PCDHGB1: variants seen among roughly 807,000 people sequenced by gnomAD.
PCDHGB1 encodes protocadherin gamma subfamily B, 1.
A neutral mutation model predicts 56.6 loss-of-function variants in PCDHGB1; 34 were observed. That is an observed-to-expected ratio of 0.60 (90% confidence interval 0.46 to 0.80). The LOEUF is 0.80. PCDHGB1 is among the 30% of genes least tolerant of loss of function. The pLI is 0.00. For missense variants in PCDHGB1, 1,278 were observed against 1,204.6 expected (o/e 1.06, Z -0.90); for synonymous variants, 561 against 505.9 (o/e 1.11, Z -1.46).
At chr5:141,399,519 G>T (rs1467117930) in intron 1 of PCDHGB1, 14 of 1,613,918 alleles carry the variant, frequency 8.7e-6, no homozygotes, top group Non-Finnish European at 1.2e-5. Context: ...ACCCTCCTGG[G>T]GCCTCCATCG....
intron 1 of PCDHGB1, among the ~76,000 whole-genome samples, chr5:141,472,924 T>G (rs1247655318): frequency 2.0e-5 from 3 of 147,960 alleles, no homozygotes; most frequent in African/African-American, 7.5e-5. Flanking sequence ...AGGAGGAGGT[T>G]GTGGTGAGCC....
rs1173627393 is a variant in PCDHGB1 at position 141,487,102 on chromosome 5, G to A, written c.2410-7705G>A. ...CAGCTGACCTCCCACCACAGAAGCT[G>A]GTCATTGTGGTAAAGGATAGTGGTA... On this transcript the variant is annotated intron_variant, in intron 1 of 3. Coordinates refer to ENST00000523390, the MANE Select transcript of PCDHGB1 (RefSeq NM_018922.3). This position sits in a 1 kb window ranked among gnomAD's most constrained non-coding sequence, Gnocchi z 5.0. 1 of 1,613,900 alleles carries A rather than the reference G, an allele frequency of 6.2e-7. No homozygotes were observed.
At chr5:141,360,012 C>T (rs1454398218) in intron 1 of PCDHGB1, 8 of 1,240,128 alleles carry the variant, frequency 6.5e-6, no homozygotes, top group Non-Finnish European at 8.6e-6. Flanking sequence ...ACCAACCACA[C>T]AGAGAAGGCC....
chr5:141,367,755 C>A (rs564169622), intron 1 of PCDHGB1: 1 of 152,184 alleles, frequency 6.6e-6, no homozygotes, highest in South Asian at 2.1e-4. Context: ...TTACATACTG[C>A]TGCACTCAAT....
intron 1 of PCDHGB1, chr5:141,393,488 A>G: frequency 1.9e-6 from 3 of 1,614,066 alleles, no homozygotes; most frequent in Non-Finnish European, 2.5e-6. Context: ...GCTCTAGCAC[A>G]GTGCGCATCC....
At chr5:141,507,009 C>T (rs988626142) in intron 3 of PCDHGB1, 1 of 152,154 alleles carries the variant, frequency 6.6e-6, no homozygotes, top group South Asian at 2.1e-4. Context: ...ATGAGAGAAC[C>T]GAGAAGGCAC....
chr5:141,353,101 A>G (rs896793984), intron 1 of PCDHGB1, among the ~76,000 whole-genome samples: 8 of 152,084 alleles, frequency 5.3e-5, no homozygotes, highest in African/African-American at 1.9e-4. Flanking sequence ...GGGGTACTAG[A>G]TAGATGGAGA....
intron 1 of PCDHGB1, among the ~76,000 whole-genome samples, chr5:141,407,155 TG>T (rs1451933301): frequency 1.3e-5 from 2 of 152,232 alleles, no homozygotes; most frequent in Non-Finnish European, 2.9e-5. Flanking sequence ...CTGAAGTGTC[TG>T]GGAATCCTTT....
rs947567666 is a variant in PCDHGB1, at chr5:141,422,270, T to C, written c.2409+69601T>C. ...GATGTGAATGATAACGCTCCAGAAA[T>C]AACTATCACCTCTTCTATTAATTCA... On this transcript the variant is annotated intron_variant, in intron 1 of 3. Transcript: ENST00000523390. 2.6e-6 allele frequency: 4 copies of C among 1,562,452 alleles called. No homozygotes were observed. The East Asian group carries it at 9.0e-5, about 35-fold the overall frequency.
At chr5:141,397,224 A>T (rs2093491277) in intron 1 of PCDHGB1, among the ~76,000 whole-genome samples, 1 of 151,376 alleles carries the variant, frequency 6.6e-6, no homozygotes. Context: ...ATTTTGAGAT[A>T]TGAAGAAGAG....
intron 1 of PCDHGB1, among the ~76,000 whole-genome samples, chr5:141,425,967 G>A (rs1021171082): frequency 2.0e-5 from 3 of 152,214 alleles, no homozygotes; most frequent in Non-Finnish European, 4.4e-5. Flanking sequence ...CAACACATCA[G>A]TCTAATTCTG....
Position 141,399,777 on chromosome 5 carries a change from C to T in PCDHGB1, c.2409+47108C>T, listed in dbSNP as rs751610227. On this transcript the variant is annotated intron_variant, in intron 1 of 3. Transcript: ENST00000523390. ...TGAGCCTGCGCGTGTTGGTGGGCGA[C>T]CGAAACGACAACGCACCGCGGGTGC... The T allele has an allele frequency of 3.7e-6, 6 of 1,613,304 alleles. No homozygotes were observed. The Admixed American group carries it at 8.3e-5, about 22-fold the overall frequency.
chr5:141,483,750 A>G (rs1453478545), intron 1 of PCDHGB1, among the ~76,000 whole-genome samples: 1 of 152,138 alleles, frequency 6.6e-6, no homozygotes, highest in African/African-American at 2.4e-5. Flanking sequence ...ATTCCTGAGG[A>G]TCGAGGCTTG....
rs372460685 is a variant in PCDHGB1 at position 141,365,741 on chromosome 5, A to G, written c.2409+13072A>G. 63 of 1,613,506 alleles carry G rather than the reference A, an allele frequency of 3.9e-5. No individual in the cohort carries two copies. In the Middle Eastern group the frequency reaches 1.6e-3, roughly 42 times the overall value. On this transcript the variant is annotated intron_variant, in intron 1 of 3. Coordinates refer to ENST00000523390, the MANE Select transcript of PCDHGB1 (RefSeq NM_018922.3). ...AGAAAACAATCCCAGAGGTGTCTCT[A>G]TCTTCTCTGTGACAGCCCATGACCC...
At chr5:141,500,562 T>A (rs2099801387) in intron 2 of PCDHGB1, among the ~76,000 whole-genome samples, 1 of 152,202 alleles carries the variant, frequency 6.6e-6, no homozygotes, top group Admixed American at 6.5e-5. Flanking sequence ...CACAAACTTG[T>A]CACACTTTCA....
At chr5:141,358,572 T>C (rs534832026) in intron 1 of PCDHGB1, among the ~76,000 whole-genome samples, 6 of 152,362 alleles carry the variant, frequency 3.9e-5, no homozygotes, top group South Asian at 4.1e-4. Context: ...GAAGTGACTA[T>C]GTGTGATTCC....
At chr5:141,437,188 G>T (rs1303844523) in intron 1 of PCDHGB1, among the ~76,000 whole-genome samples, 1 of 152,146 alleles carries the variant, frequency 6.6e-6, no homozygotes, top group Non-Finnish European at 1.5e-5. Context: ...CTGGGCAATG[G>T]GTTTGGATGT....
chr5:141,354,535 T>C (rs1047820786), intron 1 of PCDHGB1, among the ~76,000 whole-genome samples: 3 of 152,200 alleles, frequency 2.0e-5, no homozygotes, highest in African/African-American at 7.2e-5. Flanking sequence ...TGCCCCAGGT[T>C]CTAGAGGGTC....
chr5:141,463,910 A>G (rs2099071862), intron 1 of PCDHGB1, among the ~76,000 whole-genome samples: 1 of 152,178 alleles, frequency 6.6e-6, no homozygotes, highest in Admixed American at 6.5e-5. Flanking sequence ...CTAATAATAT[A>G]TCCTGGAAAT....
Sources: gnomAD v4.1 joint callset for allele counts (sites outside exome capture counted in the v4.1 genomes callset) on GRCh38, gnomAD v4.1.1 for gene constraint, Gnocchi (gnomAD v3.1) non-coding constraint, MANE v1.5 for transcripts, NCBI Gene and HGNC (gene_info 2026-07-23, HGNC 2026-07-21) for gene names.